LIN7A: variants seen among roughly 807,000 people sequenced by gnomAD.
LIN7A encodes the protein protein lin-7 homolog A.
In LIN7A, 25 loss-of-function variants were observed where a neutral mutation model predicts 29.8. The ratio of observed to expected loss-of-function variants is 0.84; its 90% CI spans 0.61 to 1.17. The LOEUF (loss-of-function observed/expected upper bound fraction) is 1.17. Among genes scored for constraint, LIN7A ranks in the 50% most tolerant of loss-of-function variants. The pLI, the probability that LIN7A is intolerant of heterozygous loss-of-function variation, is 0.00. For synonymous variants in LIN7A, 118 were observed against 107.5 expected (o/e 1.10, Z -0.60); for missense variants, 239 against 287.0 (o/e 0.83, Z 1.21).
intron 2 of LIN7A, among the ~76,000 whole-genome samples, chr12:80,869,240 G>C (rs1242379522): frequency 6.6e-6 from 1 of 151,810 alleles, no homozygotes; most frequent in African/African-American, 2.4e-5. Context: ...CAGAATTCTA[G>C]GCAGCTCAAG....
intron 2 of LIN7A, among the ~76,000 whole-genome samples, chr12:80,875,826 C>G (rs946253533): frequency 6.6e-6 from 1 of 152,102 alleles, no homozygotes; most frequent in African/African-American, 2.4e-5. Context: ...AGGTAGATGA[C>G]TATTACTTAA....
At chr12:80,862,140 A>C (rs927678932) in intron 2 of LIN7A, among the ~76,000 whole-genome samples, 10 of 152,214 alleles carry the variant, frequency 6.6e-5, no homozygotes, top group African/African-American at 2.2e-4. Context: ...CTCAACTATC[A>C]CCAAGTCCTT....
intron 4 of LIN7A, among the ~76,000 whole-genome samples, chr12:80,837,867 A>G (rs1201853699): frequency 6.6e-6 from 1 of 151,916 alleles, no homozygotes; most frequent in Non-Finnish European, 1.5e-5. Context: ...CATCATCATC[A>G]TCATGTTCTT....
At chr12:80,890,680 T>A (rs1488847529) in intron 1 of LIN7A, among the ~76,000 whole-genome samples, 2 of 152,140 alleles carry the variant, frequency 1.3e-5, no homozygotes, top group Non-Finnish European at 2.9e-5. Context: ...AATCATTAAA[T>A]CAATGTGACA....
At chr12:80,842,133 G>C in intron 4 of LIN7A, 1 of 1,285,004 alleles carries the variant, frequency 7.8e-7, no homozygotes, top group Non-Finnish European at 1.0e-6. Flanking sequence ...TAGAAGCTAG[G>C]AGGAAAAAAT....
chr12:80,881,248 A>G (rs1268864270), intron 2 of LIN7A, among the ~76,000 whole-genome samples: 1 of 152,228 alleles, frequency 6.6e-6, no homozygotes, highest in East Asian at 1.9e-4. Context: ...GAAACTTATC[A>G]CACAAGAAAC....
At chr12:80,827,046 C>G (rs914780465) in intron 4 of LIN7A, among the ~76,000 whole-genome samples, 2 of 152,156 alleles carry the variant, frequency 1.3e-5, no homozygotes, top group African/African-American at 4.8e-5. Context: ...AAGGTTATTT[C>G]ATTTCCCTGA....
chr12:80,808,759 C>T (rs1048809990), intron 5 of LIN7A, among the ~76,000 whole-genome samples: 24 of 152,272 alleles, frequency 1.6e-4, no homozygotes, highest in Middle Eastern at 3.4e-3. Context: ...CCTGCCTCGG[C>T]CTCCCAAAGT....
chr12:80,834,017 T>G (rs1002839505), intron 4 of LIN7A, among the ~76,000 whole-genome samples: 1 of 152,170 alleles, frequency 6.6e-6, no homozygotes, highest in African/African-American at 2.4e-5. Flanking sequence ...CCACTCCTAC[T>G]TCCTGGATAG....
chr12:80,897,927 G>T (rs1299649692), intron 1 of LIN7A, among the ~76,000 whole-genome samples: 2 of 152,084 alleles, frequency 1.3e-5, no homozygotes, highest in African/African-American at 4.8e-5. Context: ...TAAGTTGTTT[G>T]TTTACTGTGT....
At chr12:80,867,865 A>G (rs1394445643) in intron 2 of LIN7A, among the ~76,000 whole-genome samples, 9 of 152,208 alleles carry the variant, frequency 5.9e-5, no homozygotes, top group Admixed American at 5.9e-4. Flanking sequence ...TAGTACTTCA[A>G]CCCATCTCCT....
chr12:80,864,043 A>G (rs901592205), intron 2 of LIN7A, among the ~76,000 whole-genome samples: 10 of 152,166 alleles, frequency 6.6e-5, no homozygotes, highest in Non-Finnish European at 1.3e-4. Context: ...TTTTAAAATA[A>G]AAAGATTTGT....
At chr12:80,901,302 AC>A (rs1397128182) in intron 1 of LIN7A, among the ~76,000 whole-genome samples, 1 of 152,144 alleles carries the variant, frequency 6.6e-6, no homozygotes, top group African/African-American at 2.4e-5. Flanking sequence ...AAAAAACAGA[AC>A]ACCTTTCACA....
At chr12:80,852,191 G>T (rs1873367824) in intron 2 of LIN7A, among the ~76,000 whole-genome samples, 1 of 152,024 alleles carries the variant, frequency 6.6e-6, no homozygotes, top group East Asian at 1.9e-4. Flanking sequence ...AATGAAAATA[G>T]AATACTTTTT....
Position 80,845,721 on chromosome 12 carries a change from T to C in LIN7A, c.483+9A>G, listed in dbSNP as rs1217661787. The C allele has an allele frequency of 6.2e-7, 1 of 1,602,880 alleles. No homozygotes were observed. The highest frequency in any genetic ancestry group is 8.5e-7 in the Non-Finnish European group (1 of 1,175,556). On this transcript the variant is annotated intron_variant, in intron 4 of 5. Transcript: ENST00000552864. ...AAGGAGAAAATCTCTGGTTATTTTA[T>C]AAACATACCACTCCGTTCACTGATA...
At chr12:80,855,076 A>G (rs1008790190) in intron 2 of LIN7A, among the ~76,000 whole-genome samples, 1 of 152,146 alleles carries the variant, frequency 6.6e-6, no homozygotes, top group Non-Finnish European at 1.5e-5. Context: ...CTAAAATGTC[A>G]ATAGAATTAC....
chr12:80,913,519 G>T (rs1876872650), intron 1 of LIN7A, among the ~76,000 whole-genome samples: 1 of 152,146 alleles, frequency 6.6e-6, no homozygotes, highest in African/African-American at 2.4e-5. Context: ...TGATGTGTTC[G>T]CAATGAATTA....
At chr12:80,830,593 G>T (rs1429934979) in intron 4 of LIN7A, among the ~76,000 whole-genome samples, 3 of 152,004 alleles carry the variant, frequency 2.0e-5, no homozygotes, top group South Asian at 2.1e-4. Context: ...TAACACAATG[G>T]CACATATAAT....
intron 2 of LIN7A, among the ~76,000 whole-genome samples, chr12:80,877,178 T>C (rs185622447): frequency 1.2e-3 from 184 of 149,486 alleles, no homozygotes; most frequent in African/African-American, 4.2e-3. Context: ...AAATTCCACA[T>C]GTACACAAAT....
Sources: gnomAD v4.1 joint callset for allele counts (sites outside exome capture counted in the v4.1 genomes callset) on GRCh38, gnomAD v4.1.1 for gene constraint, MANE v1.5 for transcripts, NCBI Gene and HGNC (gene_info 2026-07-23, HGNC 2026-07-21) for gene names.